CTNND2: variants seen among roughly 807,000 people sequenced by gnomAD.
CTNND2 encodes catenin delta-2.
CTNND2 carries 22 observed loss-of-function variants against 144.4 expected under a neutral mutation model. That is an observed-to-expected ratio of 0.15 (90% confidence interval 0.11 to 0.22). The LOEUF is 0.22. Among genes scored for constraint, CTNND2 ranks in the 10% least tolerant of loss-of-function variants. CTNND2 has a pLI of 1.00. For missense variants in CTNND2, 1,353 were observed against 1,618.8 expected, an observed-to-expected ratio of 0.84 and a Z score of 2.82; for synonymous variants, 751 against 695.6, an observed-to-expected ratio of 1.08 and a Z score of -1.25.
chr5:11,695,309 C>T (rs1344646519), intron 2 of CTNND2, among the ~76,000 whole-genome samples: 5 of 152,106 alleles, frequency 3.3e-5, no homozygotes, highest in Admixed American at 2.6e-4. Context: ...GAAATTAATA[C>T]CCTATCATAA....
rs966942069 is a variant in CTNND2 at position 11,143,177 on chromosome 5, T to C, written c.2159+16399A>G. 6.6e-5 allele frequency among the ~76,000 whole-genome samples: 10 copies of C among 152,180 alleles called. 1 individual carries two copies. The highest frequency in any genetic ancestry group is 5.9e-4 in the Admixed American group (9 of 15,282). On this transcript the variant is annotated intron_variant, in intron 12 of 21. Coordinates refer to ENST00000304623, the MANE Select transcript of CTNND2 (RefSeq NM_001332.4). ...GAGGGCTATCCTATTATTCAGCTAATACCCCATTAGCTCTGGGAAAGGTGA... is the reference window on the plus strand; with the variant it reads ...GAGGGCTATCCTATTATTCAGCTAACACCCCATTAGCTCTGGGAAAGGTGA...
At chr5:11,765,273 A>G (rs1030565386) in intron 1 of CTNND2, among the ~76,000 whole-genome samples, 1 of 152,186 alleles carries the variant, frequency 6.6e-6, no homozygotes, top group African/African-American at 2.4e-5. Flanking sequence ...TGGGGAACAC[A>G]CTGCTGGGCC....
intron 18 of CTNND2, among the ~76,000 whole-genome samples, chr5:10,993,363 A>C (rs776553374): frequency 7.2e-5 from 11 of 152,212 alleles, no homozygotes; most frequent in Non-Finnish European, 1.3e-4. Flanking sequence ...TGAATTTACA[A>C]AGCATAAAGA....
intron 7 of CTNND2, among the ~76,000 whole-genome samples, chr5:11,379,294 C>T (rs1316278837): frequency 6.6e-6 from 1 of 152,034 alleles, no homozygotes; most frequent in African/African-American, 2.4e-5. Flanking sequence ...TTTCTACATC[C>T]TTCGTGTTTT....
intron 6 of CTNND2, among the ~76,000 whole-genome samples, chr5:11,391,980 T>C (rs999426883): frequency 2.0e-5 from 3 of 152,162 alleles, no homozygotes; most frequent in African/African-American, 7.2e-5. Flanking sequence ...TAAAAGCAAC[T>C]ATATCCCTGG....
chr5:11,244,134 T>C (rs1229877273), intron 9 of CTNND2, among the ~76,000 whole-genome samples: 3 of 152,148 alleles, frequency 2.0e-5, no homozygotes, highest in African/African-American at 4.8e-5. Context: ...ATAAGTTAGA[T>C]AGATTTTTTT....
chr5:11,804,271 C>T (rs184821010), intron 1 of CTNND2, among the ~76,000 whole-genome samples: 117 of 152,208 alleles, frequency 7.7e-4, no homozygotes, highest in Non-Finnish European at 1.3e-3. Context: ...AATGGTATAG[C>T]CATTCTGGAA....
intron 2 of CTNND2, among the ~76,000 whole-genome samples, chr5:11,577,163 G>A (rs536223186): frequency 1.2e-4 from 18 of 152,140 alleles, no homozygotes; most frequent in Admixed American, 3.9e-4. Flanking sequence ...TCTTCTCATC[G>A]AAATCTCTGG....
intron 3 of CTNND2, among the ~76,000 whole-genome samples, chr5:11,543,314 GATACAGACATTCCTTCAT>G (rs940462214): frequency 2.0e-4 from 30 of 152,306 alleles, no homozygotes; most frequent in African/African-American, 7.0e-4. Flanking sequence ...GTTCTCCACA[GATACAGACATTCCTTCAT>G]GTAAGGGAGA....
At chr5:11,785,620 G>A (rs1360164711) in intron 1 of CTNND2, among the ~76,000 whole-genome samples, 2 of 151,274 alleles carry the variant, frequency 1.3e-5, no homozygotes, top group African/African-American at 2.4e-5. Flanking sequence ...AAGACAGAAT[G>A]TATAGGAGTA....
At position 11,370,891 on chromosome 5, in the gene CTNND2, T is replaced by C. The variant is rs762965429; in HGVS notation, c.1178-6001A>G. 1.2e-3 allele frequency among the ~76,000 whole-genome samples: 187 copies of C among 152,334 alleles called. 4 individuals carry two copies. Among genetic ancestry groups the C allele is most frequent in the Non-Finnish European group, 5.3e-4 (36 of 68,032 alleles). On this transcript the variant is annotated intron_variant, in intron 7 of 21. Transcript: ENST00000304623. ...TTCTTTCATTATTGAGATAAAGTGCTGTTGTATGGAGAAAAAAGTAAATTT... is the reference window on the plus strand; with the variant it reads ...TTCTTTCATTATTGAGATAAAGTGCCGTTGTATGGAGAAAAAAGTAAATTT...
At chr5:11,172,712 A>G (rs1313978861) in intron 11 of CTNND2, among the ~76,000 whole-genome samples, 2 of 152,226 alleles carry the variant, frequency 1.3e-5, no homozygotes, top group African/African-American at 4.8e-5. Flanking sequence ...GGTTGACGTT[A>G]AGAGAAGATG....
intron 1 of CTNND2, among the ~76,000 whole-genome samples, chr5:11,778,794 T>C (rs1331202750): frequency 1.3e-5 from 2 of 152,338 alleles, no homozygotes. Flanking sequence ...TGCATCAATA[T>C]TGGATCATTA....
At chr5:11,298,003 C>T (rs1358703625) in intron 9 of CTNND2, among the ~76,000 whole-genome samples, 1 of 152,092 alleles carries the variant, frequency 6.6e-6, no homozygotes, top group Non-Finnish European at 1.5e-5. Flanking sequence ...TGTCCTATGT[C>T]CTGTTTCTCT....
At chr5:11,524,078 A>G (rs751490464) in intron 3 of CTNND2, among the ~76,000 whole-genome samples, 1 of 152,196 alleles carries the variant, frequency 6.6e-6, no homozygotes, top group Non-Finnish European at 1.5e-5. Context: ...TTTTGGAACT[A>G]TCTCAGATAA....
intron 16 of CTNND2, among the ~76,000 whole-genome samples, chr5:11,079,503 C>T (rs982244307): frequency 3.3e-5 from 5 of 152,180 alleles, no homozygotes; most frequent in Non-Finnish European, 7.3e-5. Context: ...ATCAATCAGC[C>T]TTGGCCTTGG....
At chr5:11,668,136 G>A (rs1258718630) in intron 2 of CTNND2, among the ~76,000 whole-genome samples, 1 of 152,098 alleles carries the variant, frequency 6.6e-6, no homozygotes, top group Non-Finnish European at 1.5e-5. Flanking sequence ...ATCTGTTTTG[G>A]TACCAGTACC....
intron 3 of CTNND2, among the ~76,000 whole-genome samples, chr5:11,482,854 C>A (rs1203530641): frequency 6.6e-6 from 1 of 151,680 alleles, no homozygotes; most frequent in East Asian, 1.9e-4. Flanking sequence ...AACCAGGGTG[C>A]AAAGCAGGGA....
At chr5:11,112,251 T>C (rs1753070898) in intron 13 of CTNND2, among the ~76,000 whole-genome samples, 1 of 152,086 alleles carries the variant, frequency 6.6e-6, no homozygotes, top group South Asian at 2.1e-4. Flanking sequence ...ATGGGGAGGT[T>C]ATCTGGATTG....
Sources: gnomAD v4.1 joint callset for allele counts (sites outside exome capture counted in the v4.1 genomes callset) on GRCh38, gnomAD v4.1.1 for gene constraint, MANE v1.5 for transcripts, NCBI Gene and HGNC (gene_info 2026-07-23, HGNC 2026-07-21) for gene names.